Variants in SPTLC3 observed in about 807,000 individuals in gnomAD.
SPTLC3 encodes serine palmitoyltransferase long chain base subunit 3.
A neutral mutation model predicts 59.3 loss-of-function variants in SPTLC3; 36 were observed. That is an observed-to-expected ratio of 0.61 (90% CI 0.47 to 0.80). The LOEUF is 0.80. Among genes scored for constraint, SPTLC3 ranks in the 30% least tolerant of loss-of-function variants. SPTLC3 has a pLI of 0.00. For missense variants in SPTLC3, 625 were observed against 685.1 expected, an observed-to-expected ratio of 0.91 and a Z score of 0.98; for synonymous variants, 257 against 240.8, an observed-to-expected ratio of 1.07 and a Z score of -0.62.
intron 8 of SPTLC3, among the ~76,000 whole-genome samples, chr20:13,126,027 C>A (rs1272127245): frequency 6.6e-6 from 1 of 152,180 alleles, no homozygotes; most frequent in Non-Finnish European, 1.5e-5. Flanking sequence ...TCCACGTTTT[C>A]TTTTCCCCCT....
chr20:13,079,932 C>T (rs868402117), intron 4 of SPTLC3: 24 of 326,224 alleles, frequency 7.4e-5, no homozygotes, highest in Non-Finnish European at 1.3e-4. Flanking sequence ...CTTCTCAAGC[C>T]TGATTCTGAC....
intron 1 of SPTLC3, among the ~76,000 whole-genome samples, chr20:13,024,415 C>T (rs1986047406): frequency 6.6e-6 from 1 of 152,122 alleles, no homozygotes; most frequent in African/African-American, 2.4e-5. Context: ...ATCTATCTAT[C>T]CATCCATATG....
intron 4 of SPTLC3, among the ~76,000 whole-genome samples, chr20:13,089,156 C>T (rs1414282958): frequency 6.6e-6 from 1 of 152,114 alleles, no homozygotes; most frequent in East Asian, 1.9e-4. Context: ...TTATATCATA[C>T]TTTGTATAGT....
chr20:13,135,615 G>A (rs577102458), intron 9 of SPTLC3, among the ~76,000 whole-genome samples: 24 of 152,044 alleles, frequency 1.6e-4, no homozygotes, highest in Non-Finnish European at 2.9e-4. Flanking sequence ...TTAGATCTAC[G>A]GGCCCACTTA....
At chr20:13,120,712 T>G (rs1031354231) in intron 8 of SPTLC3, among the ~76,000 whole-genome samples, 25 of 152,218 alleles carry the variant, frequency 1.6e-4, no homozygotes, top group Non-Finnish European at 1.9e-4. Context: ...ACGATACTAC[T>G]AGAGGAAACA....
At chr20:13,050,820 G>T (rs999214849) in intron 2 of SPTLC3, 1 of 152,096 alleles carries the variant, frequency 6.6e-6, no homozygotes, top group East Asian at 1.9e-4. Flanking sequence ...TGTATACAGC[G>T]AAACTAAGCA....
chr20:13,019,623 T>A (rs1985757588), intron 1 of SPTLC3, among the ~76,000 whole-genome samples: 1 of 152,188 alleles, frequency 6.6e-6, no homozygotes. Context: ...AAATCTAAAA[T>A]ATTAAGTCCC....
At chr20:13,141,480 C>T (rs530956877) in intron 9 of SPTLC3, among the ~76,000 whole-genome samples, 12 of 152,268 alleles carry the variant, frequency 7.9e-5, no homozygotes, top group African/African-American at 2.9e-4. Context: ...AACTGGTTTC[C>T]TACAGCCTTT....
At chr20:13,088,429 G>T (rs1057168308) in intron 4 of SPTLC3, among the ~76,000 whole-genome samples, 1 of 151,522 alleles carries the variant, frequency 6.6e-6, no homozygotes, top group East Asian at 2.0e-4. Context: ...CCGCCTCCCG[G>T]GTTCACATCA....
At chr20:13,049,246 A>G in intron 2 of SPTLC3, 116 bp downstream of exon 2, 2 of 1,175,940 alleles carry the variant, frequency 1.7e-6, no homozygotes, top group Non-Finnish European at 2.5e-6. Context: ...GGAACTATTC[A>G]GGGCAAATTT....
intron 1 of SPTLC3, among the ~76,000 whole-genome samples, chr20:13,031,955 A>C (rs1246786733): frequency 1.3e-5 from 2 of 152,086 alleles, no homozygotes; most frequent in Non-Finnish European, 1.5e-5. Context: ...TGTCTCTCTT[A>C]TTACGTGAAG....
At chr20:13,080,853 G>A (rs938941486) in intron 4 of SPTLC3, among the ~76,000 whole-genome samples, 1 of 152,128 alleles carries the variant, frequency 6.6e-6, no homozygotes, top group African/African-American at 2.4e-5. Flanking sequence ...TCATTGCAGT[G>A]AGACTAATAA....
At chr20:13,049,245 C>A in intron 2 of SPTLC3, 115 bp downstream of exon 2, 1 of 1,182,486 alleles carries the variant, frequency 8.5e-7, no homozygotes, top group Non-Finnish European at 1.2e-6. Context: ...AGGAACTATT[C>A]AGGGCAAATT....
intron 9 of SPTLC3, among the ~76,000 whole-genome samples, chr20:13,142,782 GA>G (rs1187277166): frequency 1.2e-4 from 19 of 152,260 alleles, no homozygotes; most frequent in Admixed American, 7.2e-4. Flanking sequence ...GTAGGACTGA[GA>G]TCCCATTTCC....
intron 9 of SPTLC3, among the ~76,000 whole-genome samples, chr20:13,149,108 G>C (rs1204264411): frequency 6.6e-6 from 1 of 152,102 alleles, no homozygotes; most frequent in African/African-American, 2.4e-5. Context: ...TCCAAAATAT[G>C]ACAAAATAAA....
At chr20:13,087,683 C>G (rs528765397) in intron 4 of SPTLC3, among the ~76,000 whole-genome samples, 6 of 152,330 alleles carry the variant, frequency 3.9e-5, no homozygotes, top group African/African-American at 1.2e-4. Flanking sequence ...ATGTCTGACA[C>G]TATGGCCATC....
At chr20:13,056,537 C>T (rs1195260650) in intron 2 of SPTLC3, among the ~76,000 whole-genome samples, 2 of 151,308 alleles carry the variant, frequency 1.3e-5, no homozygotes, top group Non-Finnish European at 2.9e-5. Context: ...AAACCTCCAC[C>T]ACCTGGGCTC....
At chr20:13,082,318 A>C (rs1279122231) in intron 4 of SPTLC3, among the ~76,000 whole-genome samples, 1 of 152,198 alleles carries the variant, frequency 6.6e-6, no homozygotes, top group Non-Finnish European at 1.5e-5. Context: ...ACTAGACATC[A>C]GTTCTCTTGA....
At chr20:13,014,169 G>A (rs187413754) in intron 1 of SPTLC3, among the ~76,000 whole-genome samples, 3 of 152,358 alleles carry the variant, frequency 2.0e-5, no homozygotes, top group East Asian at 1.9e-4. Context: ...GATGCAAGGC[G>A]AGGAGAAACA....
Sources: gnomAD v4.1 joint callset for allele counts (sites outside exome capture counted in the v4.1 genomes callset) on GRCh38, gnomAD v4.1.1 for gene constraint, MANE v1.5 for transcripts, NCBI Gene and HGNC (gene_info 2026-07-23, HGNC 2026-07-21) for gene names.